The following MIA2 variants were observed in gnomAD, a reference collection of about 807,000 sequenced individuals.
MIA2 encodes MIA SH3 domain ER export factor 2, also known as melanoma inhibitory activity protein 2.
In MIA2, 127 loss-of-function variants were observed where a neutral mutation model predicts 167.8. That is an observed-to-expected ratio of 0.76 (90% CI 0.66 to 0.88). The LOEUF is 0.88. MIA2 is among the 40% of genes least tolerant of loss of function. The pLI is 0.00. For missense variants in MIA2, 1,690 were observed against 1,624.7 expected (o/e 1.04, Z -0.69); for synonymous variants, 552 against 541.9 (o/e 1.02, Z -0.26).
At chr14:39,375,186 A>G (rs1397408704) in intron 23 of MIA2, among the ~76,000 whole-genome samples, 2 of 152,202 alleles carry the variant, frequency 1.3e-5, no homozygotes, top group African/African-American at 4.8e-5. Context: ...TTTATGGACA[A>G]AGCTATTCCT....
chr14:39,339,112 G>C (rs2071175066), intron 25 of MIA2, among the ~76,000 whole-genome samples: 1 of 152,158 alleles, frequency 6.6e-6, no homozygotes, highest in Non-Finnish European at 1.5e-5. Flanking sequence ...GCACAGGCTA[G>C]ATCCCTCACA....
intron 9 of MIA2, among the ~76,000 whole-genome samples, chr14:39,289,030 G>T (rs1301378935): frequency 6.6e-6 from 1 of 152,078 alleles, no homozygotes; most frequent in Non-Finnish European, 1.5e-5. Context: ...TTTCTTGGAA[G>T]AGTTTAAGAA....
chr14:39,298,082 TA>T (rs1219574495), intron 13 of MIA2, among the ~76,000 whole-genome samples: 5 of 152,136 alleles, frequency 3.3e-5, no homozygotes, highest in African/African-American at 1.2e-4. Flanking sequence ...TCTGCCATTT[TA>T]ATAGATTTGA....
At chr14:39,327,537 A>G (rs1283392213) in intron 25 of MIA2, among the ~76,000 whole-genome samples, 1 of 152,154 alleles carries the variant, frequency 6.6e-6, no homozygotes, top group Non-Finnish European at 1.5e-5. Flanking sequence ...TCACAGCAGA[A>G]TATCTTGAAA....
At chr14:39,248,329 A>C in intron 4 of MIA2, 188 bp downstream of exon 4, 2 of 313,052 alleles carry the variant, frequency 6.4e-6, no homozygotes, top group Non-Finnish European at 5.5e-6. Flanking sequence ...CAGAAAAACA[A>C]TGATTGGAGA....
intron 19 of MIA2, 39 bp from the exon 20 acceptor site, chr14:39,314,700 T>C (rs1256827860): frequency 1.3e-6 from 2 of 1,529,248 alleles, no homozygotes; most frequent in African/African-American, 2.7e-5. Context: ...TCATTTCATG[T>C]TATATGTTAA....
intron 22 of MIA2, among the ~76,000 whole-genome samples, chr14:39,318,957 G>A (rs2065944120): frequency 1.3e-5 from 2 of 152,112 alleles, no homozygotes; most frequent in African/African-American, 4.8e-5. Context: ...TGGTAGTCTA[G>A]TTTTGAAGAA....
chr14:39,270,600 C>G (rs1035869943), intron 6 of MIA2, among the ~76,000 whole-genome samples: 4 of 151,974 alleles, frequency 2.6e-5, no homozygotes, highest in Admixed American at 2.6e-4. Flanking sequence ...GTGATCATAG[C>G]CCACTGCTGC....
chr14:39,294,117 T>A, intron 12 of MIA2, 46 bp downstream of exon 12: 1 of 1,355,316 alleles, frequency 7.4e-7, no homozygotes, highest in Non-Finnish European at 1.0e-6. Context: ...GGAAATAATT[T>A]TAGTTTAATT....
intron 1 of MIA2, among the ~76,000 whole-genome samples, chr14:39,234,652 A>C (rs1424515933): frequency 2.0e-5 from 3 of 152,076 alleles, no homozygotes; most frequent in African/African-American, 4.8e-5. Context: ...TCTGTTTCAC[A>C]CTCAGAACTT....
intron 24 of MIA2, among the ~76,000 whole-genome samples, chr14:39,325,647 G>T (rs565300672): frequency 1.3e-5 from 2 of 151,022 alleles, no homozygotes; most frequent in African/African-American, 4.9e-5. Flanking sequence ...GATTACAGGT[G>T]TGAGCCACCG....
At position 39,359,573 on chromosome 14, in the gene MIA2, C is replaced by T. The variant is rs144264031; in HGVS notation, c.2248+10596C>T. On this transcript the variant is annotated intron_variant, in intron 23 of 23. Coordinates refer to the MIA2 transcript ENST00000341502. ...CACCCAGTGTTCTGCACCCACTGTCCGACAATCCCCAGTGAGATGAACCCG... is the reference window on the plus strand; with the variant it reads ...CACCCAGTGTTCTGCACCCACTGTCTGACAATCCCCAGTGAGATGAACCCG... Among the ~76,000 whole-genome samples, 805 of 152,188 alleles carry T rather than the reference C, an allele frequency of 5.3e-3. 2 individuals carry two copies. The highest frequency in any genetic ancestry group is 0.013 in the African/African-American group (535 of 41,532).
At chr14:39,271,442 T>G (rs983390653) in intron 6 of MIA2, among the ~76,000 whole-genome samples, 2 of 152,176 alleles carry the variant, frequency 1.3e-5, no homozygotes, top group African/African-American at 4.8e-5. Flanking sequence ...TTTTTGTTTA[T>G]CCACGTTCTT....
chr14:39,279,262 A>G, intron 7 of MIA2, 75 bp from the exon 8 acceptor site: 1 of 1,245,844 alleles, frequency 8.0e-7, no homozygotes, highest in Non-Finnish European at 1.1e-6. Flanking sequence ...CTAAGTTGGC[A>G]GTAGACGTTA....
chr14:39,279,305 T>C lies in MIA2; in HGVS notation c.2020-32T>C, dbSNP rs375265458. The stretch of plus-strand genomic sequence containing the variant: ...TGATTTACTTGAGAGCGTATTTGTT[T>C]TAATGTAATTTTTGTTAAAAATTTG... On this transcript the variant is annotated intron_variant, in intron 7 of 28. Coordinates refer to ENST00000640607, the MANE Select transcript of MIA2 (RefSeq NM_001329214.4). 1.6e-5 allele frequency: 26 copies of C among 1,578,714 alleles called. No individual in the cohort carries two copies. In the African/African-American group the frequency reaches 3.4e-4, roughly 21 times the overall value.
At chr14:39,342,454 T>C (rs2072158754) in intron 25 of MIA2, among the ~76,000 whole-genome samples, 1 of 152,196 alleles carries the variant, frequency 6.6e-6, no homozygotes, top group African/African-American at 2.4e-5. Flanking sequence ...CTATTGTGAA[T>C]AGTGCCTCAA....
chr14:39,383,004 CA>C (rs1353687988), intron 23 of MIA2, among the ~76,000 whole-genome samples: 2 of 53,044 alleles, frequency 3.8e-5, no homozygotes, highest in East Asian at 9.9e-4. Context: ...TTGTTTTTTA[CA>C]GTAGGCCTTC....
chr14:39,387,772 T>TA (rs2139387506), exon 24 of MIA2: 1 of 152,328 alleles, frequency 6.6e-6, no homozygotes, highest in South Asian at 2.1e-4. Flanking sequence ...TTGTCTCATT[T>TA]AAGAAATTGC....
At chr14:39,255,995 C>G (rs1276462041) in intron 6 of MIA2, among the ~76,000 whole-genome samples, 1 of 152,142 alleles carries the variant, frequency 6.6e-6, no homozygotes, top group Non-Finnish European at 1.5e-5. Context: ...CTGGTCAAAA[C>G]TGGCTTTGTA....
Sources: allele counts gnomAD v4.1 joint callset (sites outside exome capture counted in the v4.1 genomes callset), GRCh38; gene constraint gnomAD v4.1.1; transcripts MANE v1.5; gene names NCBI Gene and HGNC (gene_info 2026-07-23, HGNC 2026-07-21).